The following NUP155 variants were observed in gnomAD, a reference collection of about 807,000 sequenced individuals.
NUP155 encodes nuclear pore complex protein Nup155.
NUP155 carries 71 observed loss-of-function variants against 180.4 expected under a neutral mutation model. That is an observed-to-expected ratio of 0.39 (90% CI 0.33 to 0.48). The LOEUF is 0.48. Ranked by LOEUF, NUP155 falls within the 20% of genes least tolerant of loss-of-function variation. The probability of loss-of-function intolerance (pLI) is 0.91; values close to 1 mark genes in which losing one functional copy is unlikely to be tolerated. For synonymous variants in NUP155, 582 were observed against 559.5 expected (o/e 1.04, Z -0.57); for missense variants, 1,553 against 1,648.9 (o/e 0.94, Z 1.01).
Position 37,352,815 on chromosome 5 carries a change from G to T in NUP155, c.478C>A (p.His160Asn), listed in dbSNP as rs1746554892. ...GCCAAAACCAGGAGGTGTCGCACATGAGGTTGAAAGATGCCTAAGATAAAG... is the reference window on the plus strand; with the variant it reads ...GCCAAAACCAGGAGGTGTCGCACATTAGGTTGAAAGATGCCTAAGATAAAG... ...VKPKAGIFQPHVRHLLVLATP... is the reference protein window; with the variant it reads ...VKPKAGIFQPNVRHLLVLATP... Residue 160 changes from histidine (H) to asparagine (N), a missense_variant, in exon 5 of 35, where the codon CAT (histidine) becomes AAT (asparagine). Transcript: ENST00000231498. 6.2e-7 allele frequency: 1 copy of T among 1,612,478 alleles called. No individual in the cohort carries two copies. Among genetic ancestry groups the T allele is most frequent in the African/African-American group, 1.3e-5 (1 of 74,880 alleles).
Position 37,327,710 on chromosome 5 carries a change from T to G in NUP155, c.1943A>C (p.Asn648Thr), listed in dbSNP as rs1288395087. 13 of 1,614,150 alleles carry G rather than the reference T, an allele frequency of 8.1e-6. No homozygotes were observed. The highest frequency in any genetic ancestry group is 1.0e-5 in the Non-Finnish European group (12 of 1,180,002). Residue 648 changes from asparagine to threonine, a missense_variant, in exon 18 of 35, where the codon AAT (asparagine) becomes ACT (threonine). Physicochemically the swap from Asn to Thr is moderately conservative, Grantham distance 65. Transcript: ENST00000231498. ...ALGNPATQAT[N>T]MSCVTGPEIV... ...CTCTGGTCCAGTCACACAACTCATA[T>G]TTGTGGCCTGAGTTGCTGGGTTTCC...
chr5:37,301,361 C>T, intron 30 of NUP155, 76 bp downstream of exon 30: 1 of 930,948 alleles, frequency 1.1e-6, no homozygotes, highest in Non-Finnish European at 1.7e-6. Flanking sequence ...CCCCATGAAA[C>T]AAAAAGCAAA....
chr5:37,299,069 A>G (rs1048255242), intron 31 of NUP155, 91 bp from the exon 32 acceptor site: 33 of 782,618 alleles, frequency 4.2e-5, no homozygotes, highest in Non-Finnish European at 7.1e-5. Flanking sequence ...AAGGTTCAAA[A>G]TACTTTAGAA....
intron 1 of NUP155, among the ~76,000 whole-genome samples, chr5:37,368,278 G>T (rs535657987): frequency 3.5e-5 from 5 of 141,058 alleles, no homozygotes; most frequent in East Asian, 2.2e-4. Context: ...GGAGTGCAGC[G>T]GCGCAATCAC....
chr5:37,332,974 A>G (rs769753440), intron 13 of NUP155, among the ~76,000 whole-genome samples: 1 of 151,990 alleles, frequency 6.6e-6, no homozygotes, highest in Non-Finnish European at 1.5e-5. Flanking sequence ...TAAAATAAAT[A>G]AAATAAAATA....
chr5:37,352,080 G>A lies in NUP155; in HGVS notation c.556+657C>T, dbSNP rs141475429. On this transcript the variant is annotated intron_variant, in intron 5 of 34. Transcript: ENST00000231498. ...TCTTCTAAAAATACAAAATTAGGCC[G>A]GGCACAGTGGCTCACGCCTGTAATC... Among the ~76,000 whole-genome samples, 565 of 152,108 alleles carry A rather than the reference G, an allele frequency of 3.7e-3. 14 individuals are homozygous for A. In the East Asian group the frequency reaches 0.077, roughly 21 times the overall value.
chr5:37,298,764 C>A (rs1742713282), intron 32 of NUP155, 104 bp downstream of exon 32: 4 of 732,244 alleles, frequency 5.5e-6, no homozygotes, highest in Non-Finnish European at 9.9e-6. Flanking sequence ...AACTAAATAG[C>A]AAAGAAACTC....
At chr5:37,360,144 A>C (rs998443793) in intron 3 of NUP155, among the ~76,000 whole-genome samples, 6 of 150,504 alleles carry the variant, frequency 4.0e-5, no homozygotes, top group African/African-American at 1.5e-4. Context: ...TAAAACAGAC[A>C]AAAAAAAATA....
chr5:37,327,205 C>A (rs1744655567), intron 18 of NUP155: 4 of 270,974 alleles, frequency 1.5e-5, no homozygotes, highest in Non-Finnish European at 2.8e-5. Context: ...CATACTCCTA[C>A]ACCATGCAAA....
chr5:37,324,625 C>A (rs1744466309), intron 19 of NUP155, among the ~76,000 whole-genome samples: 1 of 151,822 alleles, frequency 6.6e-6, no homozygotes, highest in Middle Eastern at 3.2e-3. Flanking sequence ...CGGATCATAT[C>A]TTACTGCAGC....
intron 32 of NUP155, among the ~76,000 whole-genome samples, chr5:37,296,520 A>G (rs1742583969): frequency 6.6e-6 from 1 of 151,794 alleles, no homozygotes; most frequent in Non-Finnish European, 1.5e-5. Flanking sequence ...CCACTCCCTA[A>G]TCTCAAGTAC....
chr5:37,318,044 C>A lies in NUP155; in HGVS notation c.2249G>T (p.Arg750Leu). 1 of 1,612,664 alleles carries A rather than the reference C, an allele frequency of 6.2e-7. No homozygotes were observed. The highest frequency in any genetic ancestry group is 1.3e-5 in the African/African-American group (1 of 74,998). The change falls in exon 21 of 35, where the codon CGT (arginine) becomes CTT (leucine). Residue 750 changes from arginine (R) to leucine (L), a missense_variant. Arg to Leu is a moderately radical substitution (Grantham distance 102). Coordinates refer to ENST00000231498, the MANE Select transcript of NUP155 (RefSeq NM_153485.3). ...TTGCTGGGGATTTCCGTTTTCAGGA[C>A]GCATGAATCCTATCAGCCTCTGCTG... is the stretch of plus-strand genomic sequence containing the variant. ...KVQQRLIGFM[R>L]PENGNPQQMQ...
chr5:37,303,718 G>T (rs1265041643), intron 27 of NUP155, among the ~76,000 whole-genome samples: 1 of 152,142 alleles, frequency 6.6e-6, no homozygotes. Context: ...GGCCGAGGTG[G>T]GCAGATCATG....
At position 37,333,819 on chromosome 5, in the gene NUP155, G is replaced by GT. The variant is rs537125933; in HGVS notation, c.1348-187dup. On this transcript the variant is annotated intron_variant, in intron 12 of 34. Transcript: ENST00000231498. ...GGTATTTTCTGGGTTTTTGTTTTTT[G>GT]TTTTTTTTTTGAGACGAAGTTGTCT... 9.8e-4 allele frequency among the ~76,000 whole-genome samples: 142 copies of GT among 145,298 alleles called. 1 individual carries two copies. The highest frequency in any genetic ancestry group is 7.1e-3 in the Middle Eastern group (2 of 282).
intron 9 of NUP155, among the ~76,000 whole-genome samples, chr5:37,347,825 ACCCAATCTC>A (rs1746196847): frequency 6.6e-6 from 1 of 151,950 alleles, no homozygotes; most frequent in Non-Finnish European, 1.5e-5. Context: ...ACATGGCGAA[ACCCAATCTC>A]TACTAAAAAT....
chr5:37,345,510 CAAAAA>C (rs570982659), intron 9 of NUP155, among the ~76,000 whole-genome samples: 8 of 67,112 alleles, frequency 1.2e-4, no homozygotes, highest in Non-Finnish European at 1.8e-4. Context: ...GACTCCATTT[CAAAAA>C]AAAAAAAAAA....
chr5:37,317,739 G>A (rs1743992170), intron 21 of NUP155, among the ~76,000 whole-genome samples: 1 of 144,340 alleles, frequency 6.9e-6, no homozygotes, highest in African/African-American at 2.6e-5. Flanking sequence ...CCAGGCTGGA[G>A]TGCAGTGGCA....
chr5:37,344,599 A>G (rs71619851), intron 9 of NUP155, among the ~76,000 whole-genome samples: 1 of 151,722 alleles, frequency 6.6e-6, no homozygotes, highest in East Asian at 1.9e-4. Flanking sequence ...GGAAAGAAAA[A>G]CAACTATAAA....
chr5:37,329,738 G>A (rs879874242), intron 15 of NUP155, among the ~76,000 whole-genome samples: 8 of 152,186 alleles, frequency 5.3e-5, no homozygotes, highest in Non-Finnish European at 1.2e-4. Context: ...TTGGCATAGT[G>A]TTTGGGGAAG....
Sources: gnomAD v4.1 joint callset for allele counts (sites outside exome capture counted in the v4.1 genomes callset) on GRCh38, gnomAD v4.1.1 for gene constraint, MANE v1.5 for transcripts, NCBI Gene and HGNC (gene_info 2026-07-23, HGNC 2026-07-21) for gene names.